The following CDC73 variants were observed in gnomAD, a reference collection of about 807,000 sequenced individuals.
The protein encoded by CDC73 is parafibromin.
Under a neutral mutation model 83.7 loss-of-function variants are expected in CDC73, and 21 were observed. That is an observed-to-expected ratio of 0.25 (90% CI 0.18 to 0.36). The LOEUF is 0.36. CDC73 is among the 10% of genes least tolerant of loss of function. The pLI is 1.00. For missense variants in CDC73, 342 were observed against 653.3 expected (o/e 0.52, Z 5.19); for synonymous variants, 224 against 212.9 (o/e 1.05, Z -0.45).
chr1:193,163,517 A>G (rs929181185), intron 10 of CDC73, among the ~76,000 whole-genome samples: 8 of 152,086 alleles, frequency 5.3e-5, no homozygotes, highest in Middle Eastern at 3.4e-3. Context: ...CCCCCCAAAA[A>G]AAGAAGTTAC....
intron 13 of CDC73, among the ~76,000 whole-genome samples, chr1:193,216,469 C>T (rs983269672): frequency 6.6e-6 from 1 of 151,932 alleles, no homozygotes; most frequent in African/African-American, 2.4e-5. Context: ...AACCGGAAGC[C>T]CCCCAACCCC....
intron 10 of CDC73, among the ~76,000 whole-genome samples, chr1:193,174,234 A>G (rs1203361455): frequency 6.6e-6 from 1 of 151,948 alleles, no homozygotes; most frequent in Non-Finnish European, 1.5e-5. Context: ...TGTCTGGAAC[A>G]TTCTTCCTCT....
At chr1:193,155,700 C>G (rs764085868) in intron 10 of CDC73, among the ~76,000 whole-genome samples, 3 of 151,992 alleles carry the variant, frequency 2.0e-5, no homozygotes, top group Non-Finnish European at 4.4e-5. Context: ...TTGTTTGAAC[C>G]CAGGAGGAGG....
intron 13 of CDC73, among the ~76,000 whole-genome samples, chr1:193,214,705 C>T (rs540261290): frequency 2.7e-4 from 41 of 152,188 alleles, no homozygotes; most frequent in African/African-American, 9.4e-4. Context: ...GGCGACAGAG[C>T]GAGACTCCTC....
In CDC73 at chr1:193,233,233, G is replaced by A. The variant is rs375813767; in HGVS notation, c.1316+79G>A. The A allele has an allele frequency of 1.5e-4, 206 of 1,370,286 alleles. No individual in the cohort carries two copies. In the African/African-American group the frequency reaches 2.1e-3, roughly 14 times the overall value. The allele number at this position is 1,370,286 out of a possible 1,614,324, so 84.9% of individuals were successfully genotyped here. On this transcript the variant is annotated intron_variant, in intron 14 of 16. Coordinates refer to ENST00000367435, the MANE Select transcript of CDC73 (RefSeq NM_024529.5). ...GAATGTTGTTATTGCCGTTGATGAC[G>A]TTGCTTTTTAAGAGATGGGGTCTCA...
At chr1:193,159,914 A>G (rs1257520165) in intron 10 of CDC73, among the ~76,000 whole-genome samples, 2 of 152,180 alleles carry the variant, frequency 1.3e-5, no homozygotes, top group Non-Finnish European at 2.9e-5. Flanking sequence ...CATTATTAGC[A>G]TTTTGGTGCT....
intron 13 of CDC73, among the ~76,000 whole-genome samples, chr1:193,227,103 T>C (rs1328290029): frequency 6.6e-6 from 1 of 152,226 alleles, no homozygotes; most frequent in Non-Finnish European, 1.5e-5. Flanking sequence ...TTTTTGCATG[T>C]AAAGTTGTTC....
intron 13 of CDC73, among the ~76,000 whole-genome samples, chr1:193,225,272 A>ATC (rs1553290129): frequency 1.3e-4 from 19 of 148,564 alleles, no homozygotes; most frequent in African/African-American, 4.7e-4. Context: ...ATATATATAT[A>ATC]TCCACATACT....
intron 11 of CDC73, among the ~76,000 whole-genome samples, chr1:193,205,201 C>CCT (rs1553287539): frequency 8.6e-6 from 1 of 116,116 alleles, no homozygotes; most frequent in African/African-American, 3.8e-5. Flanking sequence ...CCTGTCCCCC[C>CCT]CCCCCCCTTT....
intron 13 of CDC73, among the ~76,000 whole-genome samples, chr1:193,230,916 A>G (rs572547173): frequency 6.6e-6 from 1 of 152,334 alleles, no homozygotes; most frequent in South Asian, 2.1e-4. Context: ...TTGCTAATAG[A>G]GATGACTAAT....
intron 9 of CDC73, among the ~76,000 whole-genome samples, chr1:193,151,010 C>G (rs1281356221): frequency 6.6e-6 from 1 of 152,128 alleles, no homozygotes; most frequent in Non-Finnish European, 1.5e-5. Flanking sequence ...ACATTGAGAA[C>G]TTGGAAACAA....
intron 13 of CDC73, among the ~76,000 whole-genome samples, chr1:193,221,667 G>A (rs2102047090): frequency 6.6e-6 from 1 of 152,276 alleles, no homozygotes; most frequent in East Asian, 1.9e-4. Flanking sequence ...ATAGTGAATA[G>A]TGAAAGAAAT....
At chr1:193,153,500 A>G (rs1390625454) in intron 10 of CDC73, among the ~76,000 whole-genome samples, 1 of 152,202 alleles carries the variant, frequency 6.6e-6, no homozygotes. Context: ...TCTATATAAC[A>G]TGGAATCATT....
At chr1:193,161,209 G>A (rs1676302535) in intron 10 of CDC73, 1 of 176,712 alleles carries the variant, frequency 5.7e-6, no homozygotes, top group Non-Finnish European at 1.2e-5. Context: ...CTGTTCCCAT[G>A]TTTTTTTTAA....
chr1:193,191,577 G>A (rs1460369717), intron 10 of CDC73, among the ~76,000 whole-genome samples: 2 of 151,946 alleles, frequency 1.3e-5, no homozygotes, highest in Non-Finnish European at 2.9e-5. Context: ...TAGTAGAGTC[G>A]CGGTTTCGTC....
chr1:193,206,101 TA>T (rs1405271692), intron 11 of CDC73, among the ~76,000 whole-genome samples: 1 of 152,180 alleles, frequency 6.6e-6, no homozygotes, highest in Admixed American at 6.5e-5. Context: ...CACTGATACC[TA>T]AACAAACCAT....
intron 14 of CDC73, among the ~76,000 whole-genome samples, chr1:193,235,894 T>A (rs1210034562): frequency 1.3e-5 from 2 of 152,206 alleles, no homozygotes; most frequent in Non-Finnish European, 2.9e-5. Flanking sequence ...CTTTTTTGAT[T>A]AATAGTTATC....
At chr1:193,164,904 A>G (rs1676410052) in intron 10 of CDC73, among the ~76,000 whole-genome samples, 2 of 152,210 alleles carry the variant, frequency 1.3e-5, no homozygotes, top group African/African-American at 2.4e-5. Flanking sequence ...TATAATGTAG[A>G]TATCCAAAGG....
At chr1:193,244,297 A>G (rs1194661365) in intron 15 of CDC73, among the ~76,000 whole-genome samples, 3 of 152,236 alleles carry the variant, frequency 2.0e-5, no homozygotes, top group African/African-American at 7.2e-5. Flanking sequence ...TCTTTTAAAA[A>G]TGGCAATCAT....
Sources: allele counts gnomAD v4.1 joint callset (sites outside exome capture counted in the v4.1 genomes callset), GRCh38; gene constraint gnomAD v4.1.1; transcripts MANE v1.5; gene names NCBI Gene and HGNC (gene_info 2026-07-23, HGNC 2026-07-21).